The following BABAM2 variants were observed in gnomAD, a reference collection of about 807,000 sequenced individuals.
BABAM2 encodes BRISC and BRCA1-A complex member 2.
A neutral mutation model predicts 54.7 loss-of-function variants in BABAM2; 31 were observed. That is an observed-to-expected ratio of 0.57 (90% CI 0.43 to 0.77). The LOEUF (loss-of-function observed/expected upper bound fraction) is 0.77. BABAM2 is among the 30% of genes least tolerant of loss of function. BABAM2 has a pLI of 0.00. For missense variants in BABAM2, 364 were observed against 455.8 expected (o/e 0.80, Z 1.83); for synonymous variants, 167 against 162.9 (o/e 1.03, Z -0.19).
At chr2:28,204,425 A>G (rs972685515) in intron 7 of BABAM2, among the ~76,000 whole-genome samples, 4 of 152,184 alleles carry the variant, frequency 2.6e-5, no homozygotes, top group African/African-American at 9.7e-5. Flanking sequence ...ATTTTCTGCA[A>G]ACCTTCGGGA....
At chr2:28,117,963 G>C (rs758672140) in intron 6 of BABAM2, among the ~76,000 whole-genome samples, 2 of 152,172 alleles carry the variant, frequency 1.3e-5, no homozygotes, top group African/African-American at 2.4e-5. Context: ...TTATGGAGAC[G>C]TATTAAGGAT....
rs1318789938 is a variant in BABAM2 at position 28,279,082 on chromosome 2, G to A, written c.935-19256G>A. Among the ~76,000 whole-genome samples the A allele has an allele frequency of 2.6e-5, 4 of 152,210 alleles. No individual in the cohort carries two copies. In the East Asian group the frequency reaches 5.8e-4, roughly 22 times the overall value. ...GTCAAGAGGCTGCTTTACAGGATGA[G>A]AGAACCTTCAGCATGATGAGAAGGA... On this transcript the variant is annotated intron_variant, in intron 10 of 11. Transcript: ENST00000379624.
intron 10 of BABAM2, among the ~76,000 whole-genome samples, chr2:28,274,665 C>A (rs888825029): frequency 2.6e-5 from 4 of 152,258 alleles, no homozygotes; most frequent in African/African-American, 9.6e-5. Flanking sequence ...TGTTTTAACT[C>A]TTTGTTATGC....
chr2:28,160,506 C>T (rs890573301), intron 7 of BABAM2, among the ~76,000 whole-genome samples: 18 of 152,212 alleles, frequency 1.2e-4, no homozygotes, highest in Middle Eastern at 3.2e-3. Context: ...CACGTATGCA[C>T]AGTCACCACC....
At chr2:28,129,159 G>T in intron 6 of BABAM2, 112 bp from the exon 7 acceptor site, 1 of 952,010 alleles carries the variant, frequency 1.1e-6, no homozygotes. Context: ...AAGCTAAAGT[G>T]GAATAAGGGT....
At chr2:28,239,204 G>A (rs2148062968) in intron 8 of BABAM2, among the ~76,000 whole-genome samples, 1 of 152,266 alleles carries the variant, frequency 6.6e-6, no homozygotes, top group South Asian at 2.1e-4. Context: ...TGCAAAGTAA[G>A]CACTGTTTTT....
intron 10 of BABAM2, among the ~76,000 whole-genome samples, chr2:28,256,554 G>T (rs1055213862): frequency 6.6e-6 from 1 of 152,158 alleles, no homozygotes; most frequent in Non-Finnish European, 1.5e-5. Context: ...GAGAATCTCT[G>T]AAAACTCTTA....
intron 6 of BABAM2, among the ~76,000 whole-genome samples, chr2:28,095,627 T>G (rs1050641199): frequency 2.0e-5 from 3 of 152,210 alleles, no homozygotes; most frequent in African/African-American, 7.2e-5. Context: ...TATGGAGAGA[T>G]ATCTATTTAG....
intron 7 of BABAM2, among the ~76,000 whole-genome samples, chr2:28,149,088 C>A (rs1018908523): frequency 6.6e-6 from 1 of 152,096 alleles, no homozygotes; most frequent in African/African-American, 2.4e-5. Flanking sequence ...AATGCTAAGC[C>A]CATTGTACTA....
At chr2:28,026,337 G>A (rs1316925724) in intron 5 of BABAM2, among the ~76,000 whole-genome samples, 1 of 152,098 alleles carries the variant, frequency 6.6e-6, no homozygotes, top group Non-Finnish European at 1.5e-5. Flanking sequence ...CAACCCAAAT[G>A]CCTATCAGTG....
chr2:28,053,593 T>C (rs1194702424), intron 6 of BABAM2, among the ~76,000 whole-genome samples: 1 of 152,212 alleles, frequency 6.6e-6, no homozygotes, highest in East Asian at 1.9e-4. Flanking sequence ...TGAGATGGTC[T>C]GAACACTTAC....
chr2:27,957,542 C>G (rs1450885794), intron 3 of BABAM2, among the ~76,000 whole-genome samples: 1 of 152,150 alleles, frequency 6.6e-6, no homozygotes, highest in Non-Finnish European at 1.5e-5. Flanking sequence ...ATTACCATCT[C>G]ATTATTTCTT....
chr2:28,139,321 C>CAA (rs768755922), intron 7 of BABAM2, among the ~76,000 whole-genome samples: 2,750 of 86,638 alleles, frequency 0.032, 114 homozygotes, highest in African/African-American at 0.067. Context: ...AACTCCGTCT[C>CAA]AAAAAAAAAA....
intron 4 of BABAM2, among the ~76,000 whole-genome samples, chr2:28,007,900 C>T (rs1488383097): frequency 2.0e-5 from 3 of 152,114 alleles, no homozygotes; most frequent in Non-Finnish European, 4.4e-5. Context: ...CTAATAACCA[C>T]AGATTAACTT....
chr2:28,327,296 G>A, intron 11 of BABAM2: 1 of 1,609,712 alleles, frequency 6.2e-7, no homozygotes, highest in Non-Finnish European at 8.5e-7. Context: ...GAGCAGAGAT[G>A]CCTGCAGCCC....
intron 3 of BABAM2, among the ~76,000 whole-genome samples, chr2:27,977,644 T>G (rs544784568): frequency 8.1e-4 from 123 of 152,330 alleles, no homozygotes; most frequent in African/African-American, 2.9e-3. Flanking sequence ...ATTTTTGTAT[T>G]TGTTTCTGTG....
chr2:28,291,738 A>G (rs1289202066), intron 10 of BABAM2, among the ~76,000 whole-genome samples: 1 of 152,252 alleles, frequency 6.6e-6, no homozygotes, highest in Admixed American at 6.5e-5. Flanking sequence ...GTGATAATAA[A>G]TGGAGATACC....
At chr2:27,986,888 A>G (rs1364469392) in intron 3 of BABAM2, among the ~76,000 whole-genome samples, 1 of 152,178 alleles carries the variant, frequency 6.6e-6, no homozygotes, top group Admixed American at 6.6e-5. Context: ...ACTTGTTAGT[A>G]TTAGCATAAT....
rs574198647 is a variant in BABAM2 at position 28,310,291 on chromosome 2, G to A, written c.1088+11800G>A. ...AAGCCACTCACCATCCTCTCAGCCT[G>A]TGCAGACCAGGCTGCACCAGGCACG... is the stretch of plus-strand genomic sequence containing the variant. On this transcript the variant is annotated intron_variant, in intron 11 of 11. Transcript: ENST00000379624. The A allele has an allele frequency of 2.5e-4, 210 of 845,516 alleles. 2 individuals are homozygous for A. Among genetic ancestry groups the A allele is most frequent in the Non-Finnish European group, 3.6e-4 (195 of 546,772 alleles). 52.4% of individuals were successfully genotyped at this position (845,516 alleles called of 1,614,324 possible). A position where few individuals can be genotyped will look rare whatever the true frequency, so the allele number is the denominator to read the frequency against.
Sources: gnomAD v4.1 joint callset for allele counts (sites outside exome capture counted in the v4.1 genomes callset) on GRCh38, gnomAD v4.1.1 for gene constraint, MANE v1.5 for transcripts, NCBI Gene and HGNC (gene_info 2026-07-23, HGNC 2026-07-21) for gene names.